The following MYO5B variants were observed in gnomAD, a reference collection of about 807,000 sequenced individuals.
MYO5B encodes myosin VB, also known as unconventional myosin-Vb.
A neutral mutation model predicts 229.3 loss-of-function variants in MYO5B; 143 were observed. The ratio of observed to expected loss-of-function variants is 0.62; its 90% confidence interval spans 0.54 to 0.72. The LOEUF is 0.72. Among genes scored for constraint, MYO5B ranks in the 30% least tolerant of loss-of-function variants. The probability of loss-of-function intolerance (pLI) is 0.00; values close to 1 mark genes in which losing one functional copy is unlikely to be tolerated. For synonymous variants in MYO5B, 918 were observed against 885.2 expected (o/e 1.04, Z -0.66); for missense variants, 2,321 against 2,331.0 (o/e 1.00, Z 0.09).
chr18:50,002,225 G>T (rs916546120), intron 4 of MYO5B, among the ~76,000 whole-genome samples: 6 of 151,906 alleles, frequency 3.9e-5, no homozygotes, highest in Non-Finnish European at 7.4e-5. Flanking sequence ...TTTTCATATA[G>T]GTAGGTCACA....
intron 9 of MYO5B, among the ~76,000 whole-genome samples, chr18:49,978,028 C>T (rs1219234749): frequency 6.6e-6 from 1 of 152,210 alleles, no homozygotes; most frequent in African/African-American, 2.4e-5. Context: ...CTGTACAGCT[C>T]TGATTGCAGA....
intron 1 of MYO5B, among the ~76,000 whole-genome samples, chr18:50,079,572 T>A (rs1466571666): frequency 2.0e-5 from 3 of 152,204 alleles, no homozygotes; most frequent in South Asian, 2.1e-4. Flanking sequence ...ACATTCCCTT[T>A]CAAATACCTG....
At chr18:50,105,954 TCCACCCTAC>T (rs1365398544) in intron 1 of MYO5B, among the ~76,000 whole-genome samples, 1 of 152,054 alleles carries the variant, frequency 6.6e-6, no homozygotes, top group African/African-American at 2.4e-5. Context: ...TTGTAGGCTG[TCCACCCTAC>T]CCACCCTAGT....
At chr18:49,954,479 G>A in intron 12 of MYO5B, 44 bp from the exon 13 acceptor site, 1 of 1,612,996 alleles carries the variant, frequency 6.2e-7, no homozygotes, top group South Asian at 1.1e-5. Flanking sequence ...TGAAGAGGAA[G>A]AAGGAAGCCC....
intron 2 of MYO5B, among the ~76,000 whole-genome samples, chr18:50,046,338 T>G (rs150666195): frequency 1.3e-5 from 2 of 152,210 alleles, no homozygotes; most frequent in South Asian, 2.1e-4. Context: ...GCCTTTTAAG[T>G]TCTCCAGGGG....
chr18:49,940,003 T>A (rs2025296287), intron 14 of MYO5B, among the ~76,000 whole-genome samples: 1 of 152,196 alleles, frequency 6.6e-6, no homozygotes. Context: ...TGACAGCTCA[T>A]GCTCTGGTGA....
At chr18:49,968,741 C>T (rs375341202) in intron 10 of MYO5B, among the ~76,000 whole-genome samples, 1 of 152,016 alleles carries the variant, frequency 6.6e-6, no homozygotes, top group African/African-American at 2.4e-5. Context: ...TTGGTGGGCT[C>T]TTGTTACATT....
intron 22 of MYO5B, among the ~76,000 whole-genome samples, chr18:49,890,210 C>T (rs2144123096): frequency 6.6e-6 from 1 of 152,340 alleles, no homozygotes; most frequent in Admixed American, 6.5e-5. Context: ...CAGCAGGTAA[C>T]AAACTTCTGC....
chr18:49,952,440 A>C (rs2025440240), intron 14 of MYO5B, among the ~76,000 whole-genome samples: 1 of 147,608 alleles, frequency 6.8e-6, no homozygotes, highest in South Asian at 2.1e-4. Context: ...GCTTCCCCTG[A>C]CTCTACCACC....
At chr18:49,925,809 G>A (rs1306184053) in intron 17 of MYO5B, among the ~76,000 whole-genome samples, 1 of 152,174 alleles carries the variant, frequency 6.6e-6, no homozygotes, top group Non-Finnish European at 1.5e-5. Context: ...TCTGAACCCT[G>A]GGCTTGTAAG....
chr18:49,835,095 T>C (rs2023971755), intron 39 of MYO5B, among the ~76,000 whole-genome samples: 1 of 152,224 alleles, frequency 6.6e-6, no homozygotes, highest in African/African-American at 2.4e-5. Context: ...AATGACATAA[T>C]GCTTAAACTA....
At chr18:49,931,374 C>A (rs1467851040) in intron 16 of MYO5B, among the ~76,000 whole-genome samples, 1 of 152,160 alleles carries the variant, frequency 6.6e-6, no homozygotes, top group African/African-American at 2.4e-5. Context: ...CCAAGCCCCA[C>A]CTTCTTTCCA....
chr18:49,866,193 C>CGAGTAGCT (rs1263708047), intron 27 of MYO5B, among the ~76,000 whole-genome samples: 2 of 152,012 alleles, frequency 1.3e-5, no homozygotes, highest in African/African-American at 4.8e-5. Context: ...TTCAGCCTCC[C>CGAGTAGCT]GAGTAGCTGG....
rs1256932881 is a variant in MYO5B at position 50,195,098 on chromosome 18, G to C, written c.-305C>G. 33 of 264,936 alleles carry C rather than the reference G, an allele frequency of 1.2e-4. No individual in the cohort carries two copies. Among genetic ancestry groups the C allele is most frequent in the South Asian group, 8.5e-4 (5 of 5,866 alleles). 16.4% of individuals were successfully genotyped at this position (264,936 alleles called of 1,614,324 possible). On this transcript the variant is annotated 5_prime_UTR_variant, in exon 1 of 40. Coordinates refer to ENST00000285039, the MANE Select transcript of MYO5B (RefSeq NM_001080467.3). ...GGAGGAGGCGAGGGCCGGCGAGGAG[G>C]GAGGACCCGCTCGCGTCAGAGCGGA...
chr18:49,914,430 C>G (rs1298824730), intron 17 of MYO5B, among the ~76,000 whole-genome samples: 1 of 152,146 alleles, frequency 6.6e-6, no homozygotes, highest in Non-Finnish European at 1.5e-5. Flanking sequence ...TATCCCTTCT[C>G]CTGGAGCACT....
chr18:50,005,591 AT>A (rs1437754567), intron 4 of MYO5B, among the ~76,000 whole-genome samples: 1 of 152,070 alleles, frequency 6.6e-6, no homozygotes, highest in African/African-American at 2.4e-5. Flanking sequence ...TAATTTTTCT[AT>A]TTTTTGTAGA....
rs570279049 is a variant in MYO5B, at chr18:50,180,507, C to T, written c.27+14260G>A. On this transcript the variant is annotated intron_variant, in intron 1 of 39. Transcript: ENST00000285039. ...AACCTCTGTTTTCCAGTCCTCCTTC[C>T]CACCTACCCGCTCCCCGAGTTTAGT... is the stretch of plus-strand genomic sequence containing the variant. 3.9e-4 allele frequency among the ~76,000 whole-genome samples: 60 copies of T among 152,290 alleles called. 1 individual carries two copies. The South Asian group carries it at 0.012, about 30-fold the overall frequency.
At chr18:50,129,597 T>G (rs1008734135) in intron 1 of MYO5B, among the ~76,000 whole-genome samples, 3 of 152,170 alleles carry the variant, frequency 2.0e-5, no homozygotes, top group Non-Finnish European at 4.4e-5. Context: ...TAGTAACTTC[T>G]TTAATTCCCA....
chr18:50,174,739 T>C (rs530032165), intron 1 of MYO5B, among the ~76,000 whole-genome samples: 1 of 152,334 alleles, frequency 6.6e-6, no homozygotes, highest in South Asian at 2.1e-4. Flanking sequence ...TGTGGTAATA[T>C]ACAGGTACTG....
Sources: gnomAD v4.1 joint callset for allele counts (sites outside exome capture counted in the v4.1 genomes callset) on GRCh38, gnomAD v4.1.1 for gene constraint, MANE v1.5 for transcripts, NCBI Gene and HGNC (gene_info 2026-07-23, HGNC 2026-07-21) for gene names.